LDHAL6A: variants seen among roughly 807,000 people sequenced by gnomAD.
LDHAL6A encodes the protein L-lactate dehydrogenase A-like 6A.
In LDHAL6A, 19 loss-of-function variants were observed where a neutral mutation model predicts 28.2. The ratio of observed to expected loss-of-function variants is 0.67; its 90% confidence interval spans 0.47 to 0.99. LDHAL6A has a LOEUF of 0.99. LDHAL6A is among the 50% of genes least tolerant of loss of function. The pLI, the probability that LDHAL6A is intolerant of heterozygous loss-of-function variation, is 0.00. For missense variants in LDHAL6A, 372 were observed against 398.6 expected, an observed-to-expected ratio of 0.93 and a Z score of 0.57; for synonymous variants, 144 against 134.4, an observed-to-expected ratio of 1.07 and a Z score of -0.49.
intron 5 of LDHAL6A, 114 bp downstream of exon 5, chr11:18,476,615 T>C: frequency 6.8e-7 from 1 of 1,471,500 alleles, no homozygotes; most frequent in East Asian, 2.4e-5. Flanking sequence ...TATTTTTATT[T>C]GCACTTCTGC....
intron 3 of LDHAL6A, 80 bp from the exon 4 acceptor site, chr11:18,475,386 A>T: frequency 9.0e-7 from 1 of 1,114,032 alleles, no homozygotes; most frequent in Non-Finnish European, 1.3e-6. Flanking sequence ...CATCAGATTT[A>T]CTAGTTTTAA....
At position 18,461,364 on chromosome 11, in the gene LDHAL6A, C is replaced by T. The variant is rs1453671975; in HGVS notation, c.127-2597C>T. On this transcript the variant is annotated intron_variant, in intron 1 of 6. Coordinates refer to ENST00000280706, the MANE Select transcript of LDHAL6A (RefSeq NM_144972.5). ...TTCACCATATTGGCCAGGTTGGTCT[C>T]GAACTCCTGAGCTCATGATCCGCCC... 1.4e-5 allele frequency among the ~76,000 whole-genome samples: 2 copies of T among 139,700 alleles called. 1 individual carries two copies. Among genetic ancestry groups the T allele is most frequent in the South Asian group, 5.0e-4 (2 of 4,004 alleles). 91.6% of individuals were successfully genotyped at this position (139,700 alleles called of 152,430 possible). A position where few individuals can be genotyped will look rare whatever the true frequency, so the allele number is the denominator to read the frequency against.
At chr11:18,462,834 C>CAA (rs58380278) in intron 1 of LDHAL6A, among the ~76,000 whole-genome samples, 7,071 of 147,188 alleles carry the variant, frequency 0.048, 573 homozygotes, top group African/African-American at 0.17. Context: ...GACTCCATCT[C>CAA]AAAAAAAAAC....
intron 3 of LDHAL6A, among the ~76,000 whole-genome samples, chr11:18,471,508 A>C (rs1849257347): frequency 6.6e-6 from 1 of 152,060 alleles, no homozygotes; most frequent in Non-Finnish European, 1.5e-5. Flanking sequence ...CCACGCCTGC[A>C]TACAGATCTT....
At position 18,456,783 on chromosome 11, in the gene LDHAL6A, T is replaced by TTAATAA; in HGVS notation, c.103_104insTAATAA (p.Cys35delinsLeuIleSer). The TTAATAA allele has an allele frequency of 6.2e-7, 1 of 1,613,446 alleles. No homozygotes were observed. Among genetic ancestry groups the TTAATAA allele is most frequent in the South Asian group, 1.1e-5 (1 of 90,864 alleles). On this transcript the variant is annotated protein_altering_variant, in exon 1 of 7. Coordinates refer to ENST00000280706, the MANE Select transcript of LDHAL6A (RefSeq NM_144972.5). ...AGGAACTGGATCGGTTGGTGTGGCT[T>TTAATAA]GTGCTATCAGCATCTTATTAAAAGT...
chr11:18,466,537 C>T (rs1849078845), intron 3 of LDHAL6A, among the ~76,000 whole-genome samples: 1 of 151,528 alleles, frequency 6.6e-6, no homozygotes, highest in Admixed American at 6.6e-5. Flanking sequence ...TCCTGTAGTC[C>T]CAGCTACTCA....
At chr11:18,466,620 C>T (rs931552004) in intron 3 of LDHAL6A, among the ~76,000 whole-genome samples, 12 of 147,336 alleles carry the variant, frequency 8.1e-5, no homozygotes, top group Non-Finnish European at 1.6e-4. Context: ...CGCCACTGCA[C>T]TCCAGCCTGG....
chr11:18,467,994 T>A, intron 3 of LDHAL6A, among the ~76,000 whole-genome samples: 1 of 62,494 alleles, frequency 1.6e-5, no homozygotes, highest in Non-Finnish European at 3.0e-5. Context: ...TATATATGCA[T>A]ATATATACGT....
intron 1 of LDHAL6A, among the ~76,000 whole-genome samples, chr11:18,463,711 A>G (rs1590248981): frequency 6.6e-6 from 1 of 152,238 alleles, no homozygotes; most frequent in East Asian, 1.9e-4. Flanking sequence ...ACTTTCAGAG[A>G]TTGTTCTATT....
At chr11:18,470,836 A>G (rs1214578584) in intron 3 of LDHAL6A, among the ~76,000 whole-genome samples, 1 of 151,854 alleles carries the variant, frequency 6.6e-6, no homozygotes, top group African/African-American at 2.4e-5. Flanking sequence ...ACAGGCGTGC[A>G]CTACCACGCC....
Position 18,478,798 on chromosome 11 carries a change from T to C in LDHAL6A, c.927T>C (p.Thr309=). The change falls in exon 7 of 7, where the codon ACT becomes ACC. Residue 309 remains threonine, a synonymous_variant. Coordinates refer to ENST00000280706, the MANE Select transcript of LDHAL6A (RefSeq NM_144972.5). ...GITDLIKVKL[T]LEEEACLQKS... is the part of the protein sequence containing the mutation. The stretch of plus-strand genomic sequence containing the variant: ...CAGACCTCATAAAAGTAAAACTGAC[T>C]CTTGAAGAGGAGGCCTGCTTGCAAA... The C allele has an allele frequency of 6.2e-7, 1 of 1,613,928 alleles. No individual in the cohort carries two copies.
At chr11:18,463,310 C>T (rs1338793086) in intron 1 of LDHAL6A, among the ~76,000 whole-genome samples, 1 of 152,110 alleles carries the variant, frequency 6.6e-6, no homozygotes, top group Non-Finnish European at 1.5e-5. Context: ...CTGAATTTAG[C>T]AATCGCAGCC....
In LDHAL6A at chr11:18,477,711, A is replaced by AGG. The variant is rs1043753590; in HGVS notation, c.803_804dup (p.Arg269GlyfsTer9). ...AACAGAAAGTATTTTGAAGAATCTT[A>AGG]GGAGAGTGCATCCAGTTTCTACCCT... On this transcript the variant is annotated frameshift_variant, in exon 6 of 7. Transcript: ENST00000280706. LOFTEE classifies it low-confidence loss of function (END_TRUNC). 56 of 1,611,002 alleles carry AGG rather than the reference A, an allele frequency of 3.5e-5. No homozygotes were observed. Among genetic ancestry groups the AGG allele is most frequent in the Non-Finnish European group, 4.7e-5 (55 of 1,179,368 alleles).
chr11:18,477,752 T>C lies in LDHAL6A; in HGVS notation c.834+9T>C, dbSNP rs369570020. The C allele has an allele frequency of 3.2e-6, 5 of 1,587,008 alleles. No homozygotes were observed. The highest frequency in any genetic ancestry group is 3.4e-6 in the Non-Finnish European group (4 of 1,170,312). ...TTTCTACCCTAAGTAAGGTAGGACA[T>C]TCATGTTCGAAAAATCATTAACTCA... is the stretch of plus-strand genomic sequence containing the variant. On this transcript the variant is annotated intron_variant, in intron 6 of 6. Coordinates refer to ENST00000280706, the MANE Select transcript of LDHAL6A (RefSeq NM_144972.5).
chr11:18,478,419 G>C (rs1158644895), intron 6 of LDHAL6A, among the ~76,000 whole-genome samples: 2 of 152,134 alleles, frequency 1.3e-5, no homozygotes, highest in Admixed American at 6.5e-5. Flanking sequence ...TGTCGGCCGG[G>C]CGTGGTGGTG....
In LDHAL6A at chr11:18,456,473, A is replaced by G; in HGVS notation, c.-208A>G. The G allele has an allele frequency of 1.8e-6, 1 of 543,770 alleles. No individual in the cohort carries two copies. Among genetic ancestry groups the G allele is most frequent in the Non-Finnish European group, 3.2e-6 (1 of 308,218 alleles). 33.7% of individuals were successfully genotyped at this position (543,770 alleles called of 1,614,324 possible). ...CCTTCTCCTTCCCCTGGTCCGCTTCATGGATGCTGAGCTGCCTGGCCAGAA... is the reference window on the plus strand; with the variant it reads ...CCTTCTCCTTCCCCTGGTCCGCTTCGTGGATGCTGAGCTGCCTGGCCAGAA... On this transcript the variant is annotated 5_prime_UTR_variant, in exon 1 of 7. An upstream start codon of the reference 5' UTR is lost. Transcript: ENST00000280706.
At chr11:18,469,442 T>TTGCTA (rs1245906556) in intron 3 of LDHAL6A, among the ~76,000 whole-genome samples, 6 of 152,250 alleles carry the variant, frequency 3.9e-5, no homozygotes, top group Non-Finnish European at 7.3e-5. Flanking sequence ...GATGCTTCTC[T>TTGCTA]ATGCATTATG....
rs927938923 is a variant in LDHAL6A, at chr11:18,461,708, C to T, written c.127-2253C>T. ...TACTAAAAACACACAAAAAATTAGC[C>T]GGGCATGGTGGCAGGCGCCTGTAAT... is the stretch of plus-strand genomic sequence containing the variant. On this transcript the variant is annotated intron_variant, in intron 1 of 6. Coordinates refer to ENST00000280706, the MANE Select transcript of LDHAL6A (RefSeq NM_144972.5). 5.4e-5 allele frequency among the ~76,000 whole-genome samples: 8 copies of T among 149,054 alleles called. No individual in the cohort carries two copies. The South Asian group carries it at 6.4e-4, about 12-fold the overall frequency.
chr11:18,479,410 C>A lies in LDHAL6A; in HGVS notation c.*540C>A, dbSNP rs146552421. 1 of 150,944 alleles carries A rather than the reference C, an allele frequency of 6.6e-6. No homozygotes were observed. Among genetic ancestry groups the A allele is most frequent in the Non-Finnish European group, 1.5e-5 (1 of 67,922 alleles). The allele number at this position is 150,944 out of a possible 1,614,324, so 9.4% of individuals were successfully genotyped here. On this transcript the variant is annotated 3_prime_UTR_variant, in exon 7 of 7. Coordinates refer to ENST00000280706, the MANE Select transcript of LDHAL6A (RefSeq NM_144972.5). ...GTATACGTAATTGCCATCTGGTCCA[C>A]AAGAATGTGTTTACTGTGTTACACA...
Sources: allele counts gnomAD v4.1 joint callset (sites outside exome capture counted in the v4.1 genomes callset), GRCh38; gene constraint gnomAD v4.1.1; transcripts MANE v1.5; gene names NCBI Gene and HGNC (gene_info 2026-07-23, HGNC 2026-07-21).